Variants in DNM3 observed in about 807,000 individuals in gnomAD.
DNM3 encodes the protein dynamin-3.
Under a neutral mutation model 101.6 loss-of-function variants are expected in DNM3, and 47 were observed. The observed-to-expected ratio is 0.46, with a 90% CI of 0.37 to 0.59. DNM3 has a LOEUF of 0.59. Ranked by LOEUF, DNM3 falls within the 20% of genes least tolerant of loss-of-function variation. The probability of loss-of-function intolerance (pLI) is 0.00; values close to 1 mark genes in which losing one functional copy is unlikely to be tolerated. For missense variants in DNM3, 849 were observed against 1,085.7 expected (o/e 0.78, Z 3.06); for synonymous variants, 385 against 387.9 (o/e 0.99, Z 0.09).
chr1:172,001,623 A>G (rs2046364775), intron 4 of DNM3, among the ~76,000 whole-genome samples: 1 of 151,968 alleles, frequency 6.6e-6, no homozygotes, highest in South Asian at 2.1e-4. Flanking sequence ...AATGAATTTC[A>G]TTTCTAAATC....
At chr1:172,291,782 CA>C (rs1366232083) in intron 15 of DNM3, among the ~76,000 whole-genome samples, 2 of 152,136 alleles carry the variant, frequency 1.3e-5, no homozygotes, top group African/African-American at 4.8e-5. Flanking sequence ...TTTGGTCTTG[CA>C]TGATTTGGCA....
intron 18 of DNM3, among the ~76,000 whole-genome samples, chr1:172,384,331 C>G (rs12132562): frequency 6.6e-6 from 1 of 152,112 alleles, no homozygotes; most frequent in Non-Finnish European, 1.5e-5. Flanking sequence ...GTACCTAATG[C>G]CAATGTAGCC....
At chr1:172,218,575 G>A (rs1324074202) in intron 14 of DNM3, among the ~76,000 whole-genome samples, 5 of 152,094 alleles carry the variant, frequency 3.3e-5, no homozygotes, top group Middle Eastern at 3.4e-3. Flanking sequence ...CTATAGAAAC[G>A]TGGGGGTTTG....
chr1:171,941,346 C>T (rs1276544464), intron 2 of DNM3, among the ~76,000 whole-genome samples: 1 of 152,050 alleles, frequency 6.6e-6, no homozygotes, highest in Admixed American at 6.6e-5. Flanking sequence ...TACAGTATAA[C>T]CCTTTTAATG....
At chr1:171,902,451 G>T (rs557518206) in intron 1 of DNM3, among the ~76,000 whole-genome samples, 2 of 152,318 alleles carry the variant, frequency 1.3e-5, no homozygotes, top group African/African-American at 4.8e-5. Context: ...TCTGATGTGA[G>T]AAATGTTTTT....
At chr1:171,909,437 T>TAA (rs10554706) in intron 1 of DNM3, among the ~76,000 whole-genome samples, 6 of 130,928 alleles carry the variant, frequency 4.6e-5, no homozygotes, top group African/African-American at 5.6e-5. Context: ...GACTCTGTCT[T>TAA]AAAAAAAAAA....
chr1:172,335,041 A>G (rs1170337363), intron 17 of DNM3, among the ~76,000 whole-genome samples: 1 of 152,186 alleles, frequency 6.6e-6, no homozygotes, highest in Admixed American at 6.6e-5. Flanking sequence ...TTTATCAGGA[A>G]AAACTTTTCT....
At chr1:172,188,672 A>C (rs1406297045) in intron 14 of DNM3, among the ~76,000 whole-genome samples, 1 of 152,042 alleles carries the variant, frequency 6.6e-6, no homozygotes, top group African/African-American at 2.4e-5. Context: ...ACATGTTTTA[A>C]ATTCATTTGG....
intron 19 of DNM3, among the ~76,000 whole-genome samples, chr1:172,387,623 A>C (rs535206282): frequency 6.6e-6 from 1 of 150,766 alleles, no homozygotes; most frequent in Non-Finnish European, 1.5e-5. Context: ...CGTGCACTGC[A>C]CTCCAGCCTG....
intron 17 of DNM3, among the ~76,000 whole-genome samples, chr1:172,343,393 A>T (rs1343718427): frequency 6.6e-6 from 1 of 152,202 alleles, no homozygotes; most frequent in Non-Finnish European, 1.5e-5. Flanking sequence ...CCACTTTAAA[A>T]AAAAAAAGTA....
chr1:172,307,116 G>A (rs987176309), intron 15 of DNM3, among the ~76,000 whole-genome samples: 1 of 152,114 alleles, frequency 6.6e-6, no homozygotes, highest in African/African-American at 2.4e-5. Context: ...GAAAAATTTT[G>A]CATTCTACCC....
At chr1:172,368,553 T>C (rs1236747659) in intron 17 of DNM3, among the ~76,000 whole-genome samples, 1 of 151,814 alleles carries the variant, frequency 6.6e-6, no homozygotes, top group Non-Finnish European at 1.5e-5. Flanking sequence ...AACTTAATGA[T>C]GCACTTCAGG....
At chr1:172,382,580 T>C (rs556064235) in intron 18 of DNM3, among the ~76,000 whole-genome samples, 5 of 152,280 alleles carry the variant, frequency 3.3e-5, no homozygotes, top group African/African-American at 1.2e-4. Context: ...CATAGTCTGA[T>C]GTTCTCACCA....
At chr1:172,238,317 A>T (rs1397682111) in intron 14 of DNM3, among the ~76,000 whole-genome samples, 1 of 152,150 alleles carries the variant, frequency 6.6e-6, no homozygotes, top group Non-Finnish European at 1.5e-5. Context: ...TTTCATGTCC[A>T]ACCTTGGATT....
intron 13 of DNM3, among the ~76,000 whole-genome samples, chr1:172,095,320 C>T (rs1458590481): frequency 6.6e-6 from 1 of 152,274 alleles, no homozygotes; most frequent in South Asian, 2.1e-4. Flanking sequence ...GATAAATCCT[C>T]TCACATCAGA....
In DNM3 at chr1:172,041,977, G is replaced by C. The variant is rs764850112; in HGVS notation, c.993-32G>C. On this transcript the variant is annotated intron_variant, in intron 7 of 20. Coordinates refer to ENST00000627582, the MANE Select transcript of DNM3 (RefSeq NM_015569.5). The stretch of plus-strand genomic sequence containing the variant: ...GAAGAGTGCAAAGGCTTGTAACTTT[G>C]ACTTGAATCTATTTCTCTTTAACAA... 1.9e-6 allele frequency: 3 copies of C among 1,552,140 alleles called. No homozygotes were observed. The Admixed American group carries it at 6.6e-5, about 34-fold the overall frequency.
chr1:172,086,208 C>T (rs1490790851), intron 12 of DNM3, among the ~76,000 whole-genome samples: 1 of 152,124 alleles, frequency 6.6e-6, no homozygotes, highest in Non-Finnish European at 1.5e-5. Context: ...TTTGCAGACT[C>T]CCAAGTTCTG....
At chr1:172,317,043 A>G (rs902612743) in intron 16 of DNM3, among the ~76,000 whole-genome samples, 5 of 152,208 alleles carry the variant, frequency 3.3e-5, no homozygotes, top group African/African-American at 1.2e-4. Context: ...ACTGTCTCTC[A>G]GACCACAGTG....
At chr1:172,161,160 C>T (rs1360371574) in intron 14 of DNM3, among the ~76,000 whole-genome samples, 2 of 150,502 alleles carry the variant, frequency 1.3e-5, no homozygotes, top group African/African-American at 4.9e-5. Context: ...CTGGATTAGG[C>T]CGTGGTTTTC....
Sources: gnomAD v4.1 joint callset for allele counts (sites outside exome capture counted in the v4.1 genomes callset) on GRCh38, gnomAD v4.1.1 for gene constraint, MANE v1.5 for transcripts, NCBI Gene and HGNC (gene_info 2026-07-23, HGNC 2026-07-21) for gene names.